Variants in KCNC4 observed in about 807,000 individuals in gnomAD.
KCNC4 encodes the protein potassium voltage-gated channel subfamily C member 4.
In KCNC4, 23 loss-of-function variants were observed where a neutral mutation model predicts 42.8. The observed-to-expected ratio is 0.54, with a 90% CI of 0.39 to 0.76. The LOEUF is 0.76. Ranked by LOEUF, KCNC4 falls within the 30% of genes least tolerant of loss-of-function variation. The pLI is 0.00. For missense variants in KCNC4, 751 were observed against 898.2 expected, an observed-to-expected ratio of 0.84 and a Z score of 2.10; for synonymous variants, 422 against 393.5, an observed-to-expected ratio of 1.07 and a Z score of -0.86.
chr1:110,226,069 G>A lies in KCNC4; in HGVS notation c.1710G>A (p.Glu570=), dbSNP rs1408101913. The change falls in exon 3 of 4, where the codon GAG becomes GAA. Residue 570 remains glutamate, a synonymous_variant. Transcript: ENST00000438661. ...QPLASSPTPE[E]RRALRRSTTR... ...TGGCCTCCTCCCCGACCCCCGAGGAGCGCCGGGCCCTGCGACGCTCCACCA... is the reference window on the plus strand; with the variant it reads ...TGGCCTCCTCCCCGACCCCCGAGGAACGCCGGGCCCTGCGACGCTCCACCA... 2 of 1,614,066 alleles carry A rather than the reference G, an allele frequency of 1.2e-6. No individual in the cohort carries two copies. Among genetic ancestry groups the A allele is most frequent in the Non-Finnish European group, 1.7e-6 (2 of 1,179,990 alleles).
chr1:110,217,446 C>T (rs1277547144), intron 1 of KCNC4, among the ~76,000 whole-genome samples: 1 of 152,020 alleles, frequency 6.6e-6, no homozygotes. Context: ...CCATATGCAG[C>T]GTTAGGGAAA....
intron 1 of KCNC4, among the ~76,000 whole-genome samples, chr1:110,212,479 C>T (rs907330561): frequency 3.9e-5 from 6 of 152,210 alleles, no homozygotes; most frequent in Non-Finnish European, 5.9e-5. Flanking sequence ...CCTCCACCCC[C>T]TTCTTTGGTC....
At chr1:110,215,171 A>G (rs1373291787) in intron 1 of KCNC4, among the ~76,000 whole-genome samples, 1 of 152,194 alleles carries the variant, frequency 6.6e-6, no homozygotes, top group Non-Finnish European at 1.5e-5. Flanking sequence ...AAGTGAACTG[A>G]GCTGATTATG....
At chr1:110,230,543 C>T (rs567478321) in intron 3 of KCNC4, among the ~76,000 whole-genome samples, 1 of 152,246 alleles carries the variant, frequency 6.6e-6, no homozygotes, top group Non-Finnish European at 1.5e-5. Flanking sequence ...TGTCAGGAGC[C>T]CAAGTTTCCA....
intron 3 of KCNC4, among the ~76,000 whole-genome samples, chr1:110,227,124 C>T (rs1658437686): frequency 6.6e-6 from 1 of 152,198 alleles, no homozygotes; most frequent in African/African-American, 2.4e-5. Context: ...AGCTCTTCCC[C>T]AGGTTCTCTG....
chr1:110,263,282 T>G (rs1381719259), intron 1 of KCNC4, among the ~76,000 whole-genome samples: 1 of 152,092 alleles, frequency 6.6e-6, no homozygotes, highest in Non-Finnish European at 1.5e-5. Context: ...CAAAATACAT[T>G]TAGTGACATC....
At chr1:110,269,702 T>A (rs1255504315) in intron 1 of KCNC4, among the ~76,000 whole-genome samples, 1 of 142,076 alleles carries the variant, frequency 7.0e-6, no homozygotes, top group African/African-American at 2.8e-5. Flanking sequence ...TATATTTAAC[T>A]TTTTTTTTTT....
intron 3 of KCNC4, among the ~76,000 whole-genome samples, chr1:110,227,875 T>C (rs1363745041): frequency 6.6e-6 from 1 of 152,166 alleles, no homozygotes; most frequent in Non-Finnish European, 1.5e-5. Flanking sequence ...CACCGGCACG[T>C]GCACGGGGCA....
In KCNC4 at chr1:110,243,320, C is replaced by T. The variant is rs575571140; in HGVS notation, c.*11011C>T. ...GACAACTCACTGTCATGACCATTTC[C>T]GCCTTAGCGACCCAGAAGTGGTGAC... On this transcript the variant is annotated 3_prime_UTR_variant, in exon 4 of 4. Transcript: ENST00000369787. 5.9e-5 allele frequency: 9 copies of T among 152,392 alleles called. 1 individual carries two copies. The highest frequency in any genetic ancestry group is 4.1e-4 in the South Asian group (2 of 4,830). The allele number at this position is 152,392 out of a possible 1,614,324, so 9.4% of individuals were successfully genotyped here.
chr1:110,254,223 T>C (rs533469987), intron 1 of KCNC4, among the ~76,000 whole-genome samples: 1 of 152,212 alleles, frequency 6.6e-6, no homozygotes, highest in East Asian at 1.9e-4. Context: ...TTCGGTTGCA[T>C]GAAACCATTC....
chr1:110,250,788 G>A (rs1295259054), downstream of KCNC4, among the ~76,000 whole-genome samples: 1 of 152,148 alleles, frequency 6.6e-6, no homozygotes, highest in Non-Finnish European at 1.5e-5. Flanking sequence ...TCTGCTAGGA[G>A]AGGCCCTGGG....
chr1:110,244,518 G>A (rs1028820620), exon 4 of KCNC4: 1 of 152,288 alleles, frequency 6.6e-6, no homozygotes, highest in South Asian at 2.1e-4. Context: ...CAGGCCACCT[G>A]AGGTTCTGCC....
chr1:110,215,534 G>C (rs992545793), intron 1 of KCNC4, among the ~76,000 whole-genome samples: 2 of 152,202 alleles, frequency 1.3e-5, no homozygotes, highest in African/African-American at 4.8e-5. Context: ...CTTTAGCTCA[G>C]CTATCAGCCT....
chr1:110,218,086 T>G (rs1158706325), intron 1 of KCNC4, among the ~76,000 whole-genome samples: 1 of 152,208 alleles, frequency 6.6e-6, no homozygotes, highest in Non-Finnish European at 1.5e-5. Context: ...TATGTTTATC[T>G]GTCCATCTGT....
chr1:110,223,639 G>A lies in KCNC4; in HGVS notation c.1354G>A (p.Val452Ile). ...CCCCAAGACGTGGTCAGGCATGCTG[G>A]TAGGGGCACTGTGTGCACTGGCTGG... Reference protein sequence around the residue: ...MYPKTWSGMLVGALCALAGVL... With the variant: ...MYPKTWSGMLIGALCALAGVL... Residue 452 changes from valine to isoleucine, a missense_variant, in exon 2 of 4, where the codon GTA (valine) becomes ATA (isoleucine). Val to Ile is a conservative substitution (Grantham distance 29, BLOSUM62 3). Coordinates refer to ENST00000438661, the MANE Select transcript of KCNC4 (RefSeq NM_001039574.3). The surrounding 1 kb of genome is among the most constrained non-coding windows in gnomAD (Gnocchi z 7.5). 2 of 1,614,150 alleles carry A rather than the reference G, an allele frequency of 1.2e-6. No individual in the cohort carries two copies. Among genetic ancestry groups the A allele is most frequent in the South Asian group, 1.1e-5 (1 of 91,090 alleles).
At chr1:110,257,910 A>G (rs1659365113) in intron 1 of KCNC4, among the ~76,000 whole-genome samples, 1 of 152,166 alleles carries the variant, frequency 6.6e-6, no homozygotes, top group African/African-American at 2.4e-5. Context: ...TTCAGGCAGG[A>G]AAAGTGAGAA....
chr1:110,264,053 T>TAAAA (rs1160352397), intron 1 of KCNC4, among the ~76,000 whole-genome samples: 1 of 152,186 alleles, frequency 6.6e-6, no homozygotes, highest in Non-Finnish European at 1.5e-5. Flanking sequence ...ACAGGTGTCT[T>TAAAA]CTGGCCCCGG....
intron 3 of KCNC4, chr1:110,226,406 A>T (rs1191528696): frequency 8.6e-6 from 5 of 579,548 alleles, no homozygotes; most frequent in Non-Finnish European, 1.6e-5. Context: ...TGCCCATGGG[A>T]AAGAGCAGCG....
intron 1 of KCNC4, among the ~76,000 whole-genome samples, chr1:110,276,587 C>A (rs775694187): frequency 4.6e-5 from 7 of 152,160 alleles, no homozygotes; most frequent in Non-Finnish European, 1.0e-4. Flanking sequence ...AACCAACCTC[C>A]TGTGCCCCAC....
Sources: allele counts gnomAD v4.1 joint callset (sites outside exome capture counted in the v4.1 genomes callset), GRCh38; gene constraint gnomAD v4.1.1; non-coding constraint Gnocchi (gnomAD v3.1); transcripts MANE v1.5; gene names NCBI Gene and HGNC (gene_info 2026-07-23, HGNC 2026-07-21).